The following OR1M1 variants were observed in gnomAD, a reference collection of about 807,000 sequenced individuals.
OR1M1 encodes the protein olfactory receptor family 1 subfamily M member 1.
For synonymous variants in OR1M1, 157 were observed against 165.5 expected, an observed-to-expected ratio of 0.95 and a Z score of 0.39; for missense variants, 397 against 401.8, an observed-to-expected ratio of 0.99 and a Z score of 0.10.
At chr19:9,087,733 C>T (rs189065913) in intron 1 of OR1M1, among the ~76,000 whole-genome samples, 6 of 151,406 alleles carry the variant, frequency 4.0e-5, no homozygotes, top group East Asian at 4.0e-4. Context: ...TCACTGTGCT[C>T]GGCCGACACT....
rs560419035 is a variant in OR1M1 at position 9,094,876 on chromosome 19, C to T, written c.*690C>T. The T allele has an allele frequency of 6.6e-6, 1 of 152,666 alleles. No homozygotes were observed. Among genetic ancestry groups the T allele is most frequent in the South Asian group, 2.1e-4 (1 of 4,832 alleles). 9.5% of individuals were successfully genotyped at this position (152,666 alleles called of 1,614,324 possible). On this transcript the variant is annotated 3_prime_UTR_variant, in exon 2 of 2. Coordinates refer to ENST00000641627, the MANE Select transcript of OR1M1 (RefSeq NM_001004456.2). Reference sequence around the variant, plus strand: ...CTGGAGTGCAATGGCATGATCTCTGCTCACTGCAACCTCCGCCTCTGGGTT... The same window carrying T: ...CTGGAGTGCAATGGCATGATCTCTGTTCACTGCAACCTCCGCCTCTGGGTT...
At chr19:9,089,438 T>G (rs951558330) in intron 1 of OR1M1, among the ~76,000 whole-genome samples, 21 of 146,878 alleles carry the variant, frequency 1.4e-4, no homozygotes, top group Non-Finnish European at 2.1e-4. Context: ...TTTTTTTTTT[T>G]TTGAGACAGA....
intron 1 of OR1M1, among the ~76,000 whole-genome samples, chr19:9,090,181 C>T (rs2050285010): frequency 6.6e-6 from 1 of 152,170 alleles, no homozygotes. Flanking sequence ...AGACAAGATG[C>T]TGGTCACAAA....
rs2050311209 is a variant in OR1M1, at chr19:9,093,864, T to C, written c.620T>C (p.Ile207Thr). 6.2e-7 allele frequency: 1 copy of C among 1,614,122 alleles called. No individual in the cohort carries two copies. Among genetic ancestry groups the C allele is most frequent in the Non-Finnish European group, 8.5e-7 (1 of 1,180,028 alleles). ...IFILIVAGMV[I>T]ATPFVCILAS... ...ATCCTCATTGTGGCAGGGATGGTGA[T>C]AGCCACGCCCTTTGTCTGCATCCTG... Residue 207 changes from isoleucine (I) to threonine (T), a missense_variant, in exon 2 of 2, where the codon ATA (isoleucine) becomes ACA (threonine). Ile to Thr is a moderately conservative substitution (Grantham distance 89). Transcript: ENST00000641627.
At chr19:9,093,046 T>C in intron 1 of OR1M1, 186 bp from the exon 2 acceptor site, 1 of 331,198 alleles carries the variant, frequency 3.0e-6, no homozygotes, top group Non-Finnish European at 5.4e-6. Context: ...TCTATATATA[T>C]ATATATACAC....
chr19:9,089,907 G>A (rs1249314800), intron 1 of OR1M1, among the ~76,000 whole-genome samples: 1 of 152,136 alleles, frequency 6.6e-6, no homozygotes. Flanking sequence ...ATCCATGCGT[G>A]CTTCATGAAT....
In OR1M1 at chr19:9,095,283, C is replaced by T. The variant is rs1427731835; in HGVS notation, c.*1097C>T. On this transcript the variant is annotated 3_prime_UTR_variant, in exon 2 of 2. Transcript: ENST00000641627. ...GTGTTTTGTTATAACCAGCCCTGGC[C>T]GAATAACACAGTGACTGTGAGGGGA... is the stretch of plus-strand genomic sequence containing the variant. 7 of 152,148 alleles carry T rather than the reference C, an allele frequency of 4.6e-5. No individual in the cohort carries two copies. Among genetic ancestry groups the T allele is most frequent in the Admixed American group, 4.6e-4 (7 of 15,244 alleles). The allele number at this position is 152,148 out of a possible 1,614,324, so 9.4% of individuals were successfully genotyped here.
Position 9,093,317 on chromosome 19 carries a change from A to G in OR1M1, c.73A>G (p.Thr25Ala). Residue 25 changes from threonine (T) to alanine (A), a missense_variant, in exon 2 of 2, where the codon ACG becomes GCG. Thr to Ala is a moderately conservative substitution (Grantham distance 58). Transcript: ENST00000641627. ...ACTCTCAGAAAAGCCAGAGCAGGAG[A>G]CGCTTCTCTTTTCCCTGTTCTTCTG... ...LGLSEKPEQE[T>A]LLFSLFFCMY... is the part of the protein sequence containing the mutation. 1 of 1,613,752 alleles carries G rather than the reference A, an allele frequency of 6.2e-7. No homozygotes were observed. Among genetic ancestry groups the G allele is most frequent in the Non-Finnish European group, 8.5e-7 (1 of 1,179,948 alleles).
Position 9,093,930 on chromosome 19 carries a change from C to T in OR1M1, c.686C>T (p.Pro229Leu), listed in dbSNP as rs1443936932. The T allele has an allele frequency of 6.8e-6, 11 of 1,614,182 alleles. No homozygotes were observed. Among genetic ancestry groups the T allele is most frequent in the Non-Finnish European group, 7.6e-6 (9 of 1,180,038 alleles). The change falls in exon 2 of 2, where the codon CCC (proline) becomes CTC (leucine). Residue 229 changes from proline to leucine, a missense_variant. Coordinates refer to ENST00000641627, the MANE Select transcript of OR1M1 (RefSeq NM_001004456.2). Reference protein sequence around the residue: ...ARILVAIMKVPSAGGRKKAFS... With the variant: ...ARILVAIMKVLSAGGRKKAFS... ...ATCCTTGTGGCCATCATGAAGGTCC[C>T]CTCTGCAGGCGGCAGGAAGAAAGCC...
chr19:9,090,941 C>G (rs370435081), intron 1 of OR1M1, among the ~76,000 whole-genome samples: 1 of 151,496 alleles, frequency 6.6e-6, no homozygotes, highest in African/African-American at 2.4e-5. Context: ...CCAAGGCGGG[C>G]AGATCACGAG....
At position 9,093,373 on chromosome 19, in the gene OR1M1, G is replaced by A. The variant is rs886074934; in HGVS notation, c.129G>A (p.Leu43=). ...CMYLVMVVGN[L]LIILAISIDS... is the part of the protein sequence containing the mutation. ...ACCTGGTCATGGTCGTGGGGAACCT[G>A]CTCATCATCCTGGCCATCAGCATAG... Residue 43 remains leucine (L), a synonymous_variant, in exon 2 of 2, where the codon CTG becomes CTA. Transcript: ENST00000641627. 1 of 1,613,830 alleles carries A rather than the reference G, an allele frequency of 6.2e-7. No homozygotes were observed. Among genetic ancestry groups the A allele is most frequent in the Non-Finnish European group, 8.5e-7 (1 of 1,179,980 alleles).
chr19:9,095,102 C>G lies in OR1M1; in HGVS notation c.*916C>G, dbSNP rs1019308519. On this transcript the variant is annotated 3_prime_UTR_variant, in exon 2 of 2. Coordinates refer to ENST00000641627, the MANE Select transcript of OR1M1 (RefSeq NM_001004456.2). ...TACAGGCGTGAGCCACCAAGCCTGG[C>G]TGGAAAGGCCATTTGAGGACACAGC... 2.0e-5 allele frequency: 3 copies of G among 152,328 alleles called. No homozygotes were observed. Among genetic ancestry groups the G allele is most frequent in the African/African-American group, 7.2e-5 (3 of 41,434 alleles). 9.4% of individuals were successfully genotyped at this position (152,328 alleles called of 1,614,324 possible). A position where few individuals can be genotyped will look rare whatever the true frequency, so the allele number is the denominator to read the frequency against.
At position 9,093,318 on chromosome 19, in the gene OR1M1, C is replaced by T. The variant is rs61738474; in HGVS notation, c.74C>T (p.Thr25Met). Residue 25 changes from threonine (T) to methionine (M), a missense_variant, in exon 2 of 2, where the codon ACG becomes ATG. Coordinates refer to ENST00000641627, the MANE Select transcript of OR1M1 (RefSeq NM_001004456.2). ...LGLSEKPEQE[T>M]LLFSLFFCMY... ...CTCTCAGAAAAGCCAGAGCAGGAGACGCTTCTCTTTTCCCTGTTCTTCTGC... is the reference window on the plus strand; with the variant it reads ...CTCTCAGAAAAGCCAGAGCAGGAGATGCTTCTCTTTTCCCTGTTCTTCTGC... 3,863 of 1,613,808 alleles carry T rather than the reference C, an allele frequency of 2.4e-3. 79 individuals carry two copies. The African/African-American group carries it at 0.042, about 17-fold the overall frequency.
At chr19:9,093,079 TACACACACACACACACAC>T in intron 1 of OR1M1, 135 bp from the exon 2 acceptor site, 1 of 405,610 alleles carries the variant, frequency 2.5e-6, no homozygotes, top group Non-Finnish European at 4.3e-6. Context: ...ATTCTATATA[TACACACACACACACACAC>T]ACACACACAC....
Position 9,093,443 on chromosome 19 carries a change from T to C in OR1M1, c.199T>C (p.Ser67Pro). 6.2e-7 allele frequency: 1 copy of C among 1,614,060 alleles called. No homozygotes were observed. The highest frequency in any genetic ancestry group is 1.3e-5 in the African/African-American group (1 of 75,032). ...TPMYFFLANL[S>P]LVDFCLATNT... ...CATGTACTTCTTCCTGGCCAACCTG[T>C]CCCTGGTTGATTTCTGTCTGGCCAC... Residue 67 changes from serine to proline, a missense_variant, in exon 2 of 2, where the codon TCC becomes CCC. Transcript: ENST00000641627.
At chr19:9,092,197 G>A (rs2050296986) in intron 1 of OR1M1, among the ~76,000 whole-genome samples, 1 of 146,470 alleles carries the variant, frequency 6.8e-6, no homozygotes, top group Non-Finnish European at 1.5e-5. Context: ...TGTGATTACA[G>A]ATGGGACCCA....
In OR1M1 at chr19:9,094,003, G is replaced by A. The variant is rs2050312813; in HGVS notation, c.759G>A (p.Gly253=). 1 of 1,614,050 alleles carries A rather than the reference G, an allele frequency of 6.2e-7. No individual in the cohort carries two copies. Among genetic ancestry groups the A allele is most frequent in the Non-Finnish European group, 8.5e-7 (1 of 1,180,018 alleles). The stretch of plus-strand genomic sequence containing the variant: ...TGTCTGTGGTTGCTCTCTTCTATGG[G>A]ACCACCATTGGCGTCTATCTGTGTC... The part of the protein sequence containing the change: ...SHLSVVALFY[G]TTIGVYLCPS... The change falls in exon 2 of 2, where the codon GGG becomes GGA. Residue 253 remains glycine (G), a synonymous_variant. Transcript: ENST00000641627.
Position 9,094,126 on chromosome 19 carries a change from C to T in OR1M1, c.882C>T (p.Asn294=), listed in dbSNP as rs1555708113. The T allele has an allele frequency of 1.9e-6, 3 of 1,613,496 alleles. No homozygotes were observed. The South Asian group carries it at 3.3e-5, about 18-fold the overall frequency. ...MLNPFIYSLR[N]RDLKGALRKL... ...ATCCCTTCATCTACAGCTTGAGGAA[C>T]AGAGACCTGAAAGGGGCTCTCAGGA... Residue 294 remains asparagine (N), a synonymous_variant, in exon 2 of 2, where the codon AAC becomes AAT. Coordinates refer to ENST00000641627, the MANE Select transcript of OR1M1 (RefSeq NM_001004456.2).
At chr19:9,093,186 A>G in intron 1 of OR1M1, 46 bp from the exon 2 acceptor site, 1 of 1,277,980 alleles carries the variant, frequency 7.8e-7, no homozygotes, top group South Asian at 1.4e-5. Context: ...ACTTTCCAAA[A>G]CCATCTCCCT....
Sources: allele counts gnomAD v4.1 joint callset (sites outside exome capture counted in the v4.1 genomes callset), GRCh38; gene constraint gnomAD v4.1.1; transcripts MANE v1.5; gene names NCBI Gene and HGNC (gene_info 2026-07-23, HGNC 2026-07-21).